PIGK: variants seen among roughly 807,000 people sequenced by gnomAD.
PIGK encodes phosphatidylinositol glycan anchor biosynthesis class K, also known as GPI-anchor transamidase.
A neutral mutation model predicts 50.6 loss-of-function variants in PIGK; 42 were observed. That is an observed-to-expected ratio of 0.83 (90% confidence interval 0.65 to 1.07). PIGK has a LOEUF of 1.07. Among genes scored for constraint, PIGK ranks in the 50% least tolerant of loss-of-function variants. The pLI, the probability that PIGK is intolerant of heterozygous loss-of-function variation, is 0.00. For synonymous variants in PIGK, 151 were observed against 156.0 expected, an observed-to-expected ratio of 0.97 and a Z score of 0.24; for missense variants, 448 against 488.7, an observed-to-expected ratio of 0.92 and a Z score of 0.78.
intron 3 of PIGK, among the ~76,000 whole-genome samples, chr1:77,189,103 A>G (rs536816545): frequency 1.4e-4 from 21 of 152,286 alleles, no homozygotes; most frequent in Middle Eastern, 3.4e-3. Context: ...ATCATATGAC[A>G]TAAGATTTAT....
chr1:77,151,488 C>T (rs1254519622), intron 9 of PIGK, among the ~76,000 whole-genome samples: 1 of 152,060 alleles, frequency 6.6e-6, no homozygotes, highest in African/African-American at 2.4e-5. Context: ...TACTGGAATT[C>T]CAAGCCAGAG....
chr1:77,142,731 T>C (rs1482533356), intron 9 of PIGK, among the ~76,000 whole-genome samples: 1 of 151,988 alleles, frequency 6.6e-6, no homozygotes, highest in Non-Finnish European at 1.5e-5. Context: ...AAGAACCCAC[T>C]CACTATCACA....
intron 3 of PIGK, among the ~76,000 whole-genome samples, chr1:77,197,473 C>T (rs994260237): frequency 2.0e-5 from 3 of 152,112 alleles, no homozygotes; most frequent in African/African-American, 7.2e-5. Flanking sequence ...ATTCCTCTGC[C>T]CTGTCTGATT....
At chr1:77,147,536 A>C (rs1195659566) in intron 9 of PIGK, among the ~76,000 whole-genome samples, 1 of 152,240 alleles carries the variant, frequency 6.6e-6, no homozygotes, top group Non-Finnish European at 1.5e-5. Flanking sequence ...TAACACTAAA[A>C]TGTGCAAAAT....
At chr1:77,110,561 A>G (rs1428337486) in intron 10 of PIGK, among the ~76,000 whole-genome samples, 1 of 152,236 alleles carries the variant, frequency 6.6e-6, no homozygotes, top group East Asian at 1.9e-4. Flanking sequence ...AGCCATATGT[A>G]GAAAGCTGAA....
At chr1:77,197,448 TAC>T (rs1656061904) in intron 3 of PIGK, among the ~76,000 whole-genome samples, 1 of 152,202 alleles carries the variant, frequency 6.6e-6, no homozygotes, top group African/African-American at 2.4e-5. Flanking sequence ...GCAGTTGTTC[TAC>T]AGACTATTCT....
chr1:77,141,311 T>C (rs965813952), intron 9 of PIGK, among the ~76,000 whole-genome samples: 1 of 152,162 alleles, frequency 6.6e-6, no homozygotes, highest in African/African-American at 2.4e-5. Context: ...TATATTTCAT[T>C]ATTTTGTCTG....
rs1654120754 is a variant in PIGK, at chr1:77,122,371, A to C, written c.987-12T>G. 1 of 1,509,230 alleles carries C rather than the reference A, an allele frequency of 6.6e-7. No homozygotes were observed. The highest frequency in any genetic ancestry group is 1.1e-5 in the South Asian group (1 of 87,694). 93.5% of individuals were successfully genotyped at this position (1,509,230 alleles called of 1,614,324 possible). A position where few individuals can be genotyped will look rare whatever the true frequency, so the allele number is the denominator to read the frequency against. ...GGTCTTCCTTATAGCTGGAAAAGAT[A>C]ATTTAAAAACACAGAGCTAAGGCAA... is the stretch of plus-strand genomic sequence containing the variant. On this transcript the variant is annotated splice_polypyrimidine_tract_variant and intron_variant, in intron 9 of 10. Coordinates refer to ENST00000370812, the MANE Select transcript of PIGK (RefSeq NM_005482.3).
At chr1:77,096,928 T>C (rs1000772381) in intron 10 of PIGK, among the ~76,000 whole-genome samples, 3 of 151,442 alleles carry the variant, frequency 2.0e-5, no homozygotes, top group Admixed American at 6.6e-5. Context: ...TGTTTTGTTT[T>C]GTTTGTTTTT....
At chr1:77,138,491 G>A (rs1016493715) in intron 9 of PIGK, among the ~76,000 whole-genome samples, 4 of 152,184 alleles carry the variant, frequency 2.6e-5, no homozygotes, top group Non-Finnish European at 5.9e-5. Context: ...GAGTGAGCTT[G>A]GAAGAGGACG....
At chr1:77,133,169 G>A (rs1424085218) in intron 9 of PIGK, among the ~76,000 whole-genome samples, 2 of 151,896 alleles carry the variant, frequency 1.3e-5, no homozygotes, top group Non-Finnish European at 2.9e-5. Context: ...ATTTTTCTGT[G>A]TCTAACATAT....
chr1:77,157,521 C>A (rs1655035045), intron 8 of PIGK, among the ~76,000 whole-genome samples: 1 of 152,094 alleles, frequency 6.6e-6, no homozygotes, highest in Admixed American at 6.6e-5. Context: ...TCATGCCTTA[C>A]ATAAATTATA....
intron 9 of PIGK, among the ~76,000 whole-genome samples, chr1:77,152,825 A>G (rs1654922843): frequency 6.6e-6 from 1 of 152,086 alleles, no homozygotes; most frequent in Non-Finnish European, 1.5e-5. Context: ...ACAAGATATC[A>G]TCTCATCTCA....
intron 2 of PIGK, 60 bp from the exon 3 acceptor site, chr1:77,206,791 A>G (rs1201073793): frequency 5.1e-6 from 5 of 987,664 alleles, no homozygotes; most frequent in Non-Finnish European, 8.1e-6. Flanking sequence ...GGAGCTGCAG[A>G]GTATTTTTCT....
intron 10 of PIGK, among the ~76,000 whole-genome samples, chr1:77,112,484 G>C (rs918858738): frequency 1.3e-5 from 2 of 152,050 alleles, no homozygotes; most frequent in Non-Finnish European, 2.9e-5. Flanking sequence ...CCCTGGATTT[G>C]AGTGATGTTA....
intron 9 of PIGK, among the ~76,000 whole-genome samples, chr1:77,147,386 G>T (rs1033243629): frequency 4.6e-5 from 7 of 152,124 alleles, no homozygotes. Context: ...GAGGGGAGGT[G>T]AGGGCAGGGG....
chr1:77,128,493 A>G (rs1570204252), intron 9 of PIGK, among the ~76,000 whole-genome samples: 2 of 152,344 alleles, frequency 1.3e-5, no homozygotes, highest in African/African-American at 2.4e-5. Context: ...TTCTCATTTG[A>G]GAGACTTTAA....
At chr1:77,127,226 CT>C (rs1168412598) in intron 9 of PIGK, among the ~76,000 whole-genome samples, 1 of 152,156 alleles carries the variant, frequency 6.6e-6, no homozygotes, top group African/African-American at 2.4e-5. Flanking sequence ...TTTCTGTATC[CT>C]TTTTCTCTTT....
At chr1:77,117,542 A>G (rs543082547) in intron 10 of PIGK, among the ~76,000 whole-genome samples, 7 of 152,302 alleles carry the variant, frequency 4.6e-5, no homozygotes, top group African/African-American at 1.7e-4. Flanking sequence ...GAGGAAGACA[A>G]GAGGGTGTTT....
Sources: allele counts gnomAD v4.1 joint callset (sites outside exome capture counted in the v4.1 genomes callset), GRCh38; gene constraint gnomAD v4.1.1; transcripts MANE v1.5; gene names NCBI Gene and HGNC (gene_info 2026-07-23, HGNC 2026-07-21).